Variants in PPP1R42 observed in about 807,000 individuals in gnomAD.
PPP1R42 encodes the protein leucine rich repeat containing 67.
A neutral mutation model predicts 31.0 loss-of-function variants in PPP1R42; 34 were observed. That is an observed-to-expected ratio of 1.10 (90% CI 0.83 to 1.46). The LOEUF (loss-of-function observed/expected upper bound fraction) is 1.46. PPP1R42 is among the 40% of genes most tolerant of loss of function. PPP1R42 has a pLI of 0.00. For synonymous variants in PPP1R42, 103 were observed against 109.8 expected (o/e 0.94, Z 0.39); for missense variants, 268 against 303.0 (o/e 0.88, Z 0.86).
At chr8:66,992,923 C>T (rs1035846797) in intron 5 of PPP1R42, among the ~76,000 whole-genome samples, 7 of 152,150 alleles carry the variant, frequency 4.6e-5, no homozygotes, top group African/African-American at 1.7e-4. Flanking sequence ...TTTCAGTGAC[C>T]ACTTAATACG....
In PPP1R42 at chr8:67,014,495, T is replaced by C; in HGVS notation, c.227A>G (p.His76Arg). ...AATACAATTGTTTTGTAGGTACAAG[T>C]GGGTCAGATTTGTGGCATAATTCAG... ...TNLNYATNLT[H>R]LYLQNNCISC... Residue 76 changes from histidine to arginine, a missense_variant, in exon 3 of 8, where the codon CAC (histidine) becomes CGC (arginine). Physicochemically the swap from His to Arg is conservative, Grantham distance 29. Transcript: ENST00000685739. The C allele has an allele frequency of 6.3e-7, 1 of 1,594,202 alleles. No homozygotes were observed. Among genetic ancestry groups the C allele is most frequent in the Non-Finnish European group, 8.6e-7 (1 of 1,166,708 alleles).
At chr8:66,987,145 T>C (rs975614482) in intron 6 of PPP1R42, among the ~76,000 whole-genome samples, 7 of 152,000 alleles carry the variant, frequency 4.6e-5, no homozygotes, top group African/African-American at 1.7e-4. Context: ...TTTAAAAATA[T>C]ACTATAAAGA....
At chr8:67,018,912 C>G (rs1235166277) in intron 1 of PPP1R42, among the ~76,000 whole-genome samples, 1 of 149,730 alleles carries the variant, frequency 6.7e-6, no homozygotes, top group Non-Finnish European at 1.5e-5. Flanking sequence ...TCACCGCAAC[C>G]TCCGCCTCCC....
intron 1 of PPP1R42, among the ~76,000 whole-genome samples, chr8:67,020,218 T>C (rs1407486045): frequency 6.6e-6 from 1 of 152,138 alleles, no homozygotes; most frequent in African/African-American, 2.4e-5. Flanking sequence ...GTTGTTTTTT[T>C]TGATATGAAG....
rs1344767873 is a variant in PPP1R42, at chr8:66,982,197, A to G, written c.671-17T>C. 7.7e-7 allele frequency: 1 copy of G among 1,295,232 alleles called. No homozygotes were observed. The allele number at this position is 1,295,232 out of a possible 1,614,324, so 80.2% of individuals were successfully genotyped here. ...CAAGAAATTCTGGAGAAAAATACAT[A>G]CATTTAAAAAATACAATATATACAT... On this transcript the variant is annotated splice_polypyrimidine_tract_variant and intron_variant, in intron 6 of 7. Coordinates refer to ENST00000685739, the MANE Select transcript of PPP1R42 (RefSeq NM_001364910.1).
At chr8:66,972,824 A>C (rs544464502) in intron 7 of PPP1R42, among the ~76,000 whole-genome samples, 1 of 152,306 alleles carries the variant, frequency 6.6e-6, no homozygotes, top group South Asian at 2.1e-4. Context: ...ACATATTTCC[A>C]CATCTGTTAT....
At chr8:66,985,811 G>T in intron 6 of PPP1R42, 1 of 1,242,848 alleles carries the variant, frequency 8.0e-7, no homozygotes, top group South Asian at 1.3e-5. Flanking sequence ...TTGATGTGGA[G>T]CTTAGTCAGC....
At chr8:66,977,404 C>T (rs947668945) in intron 7 of PPP1R42, among the ~76,000 whole-genome samples, 2 of 150,610 alleles carry the variant, frequency 1.3e-5, no homozygotes, top group Non-Finnish European at 3.0e-5. Flanking sequence ...GTGGCGTGAT[C>T]ATAGCTCACT....
chr8:66,975,940 G>T (rs1814658580), intron 7 of PPP1R42, among the ~76,000 whole-genome samples: 2 of 152,122 alleles, frequency 1.3e-5, no homozygotes. Flanking sequence ...ATCCTATAGT[G>T]CAGGGGTCCC....
chr8:66,983,390 T>C (rs1327695283), intron 6 of PPP1R42, among the ~76,000 whole-genome samples: 1 of 152,134 alleles, frequency 6.6e-6, no homozygotes, highest in Admixed American at 6.5e-5. Flanking sequence ...AGGATATTTA[T>C]ATTGCCTATA....
rs181146481 is a variant in PPP1R42, at chr8:66,975,505, G to T, written c.802+6544C>A. On this transcript the variant is annotated intron_variant, in intron 7 of 7. Transcript: ENST00000685739. ...TACTAAAAATACAAAAAGTAGTCAG[G>T]TGTGGTGGCACACGCCTGTAATCCC... Among the ~76,000 whole-genome samples, 293 of 152,182 alleles carry T rather than the reference G, an allele frequency of 1.9e-3. 3 individuals carry two copies. Among genetic ancestry groups the T allele is most frequent in the African/African-American group, 6.2e-3 (258 of 41,504 alleles).
chr8:67,027,295 TC>T (rs916010372), intron 1 of PPP1R42, among the ~76,000 whole-genome samples: 2 of 152,218 alleles, frequency 1.3e-5, no homozygotes, highest in African/African-American at 2.4e-5. Context: ...AGAAATGGAT[TC>T]CGTCTATAGA....
intron 7 of PPP1R42, among the ~76,000 whole-genome samples, chr8:66,975,118 C>G (rs978783865): frequency 5.9e-5 from 9 of 152,166 alleles, no homozygotes; most frequent in African/African-American, 1.9e-4. Context: ...AGTTCATGAA[C>G]ATGAGGTGTC....
chr8:67,007,038 C>T (rs555440231), intron 5 of PPP1R42, among the ~76,000 whole-genome samples: 23 of 151,668 alleles, frequency 1.5e-4, no homozygotes, highest in Admixed American at 2.6e-4. Flanking sequence ...CCACTGCGCC[C>T]GGCCTCTTTT....
intron 5 of PPP1R42, among the ~76,000 whole-genome samples, chr8:67,009,911 G>A (rs1428592005): frequency 2.6e-5 from 4 of 152,168 alleles, no homozygotes; most frequent in African/African-American, 9.7e-5. Flanking sequence ...GTTTTTGGGA[G>A]AAAGAAGCTC....
intron 4 of PPP1R42, among the ~76,000 whole-genome samples, chr8:67,011,507 C>T (rs1347816401): frequency 4.6e-5 from 7 of 152,092 alleles, no homozygotes; most frequent in Admixed American, 6.6e-5. Flanking sequence ...AACAAAACTC[C>T]GTCTCAAAAA....
chr8:67,022,261 G>A (rs934196198), intron 1 of PPP1R42, among the ~76,000 whole-genome samples: 1 of 152,164 alleles, frequency 6.6e-6, no homozygotes, highest in Non-Finnish European at 1.5e-5. Context: ...TACTTATTGA[G>A]AGACTGAGAG....
chr8:67,001,468 G>A (rs897422480), intron 5 of PPP1R42, among the ~76,000 whole-genome samples: 8 of 149,952 alleles, frequency 5.3e-5, no homozygotes, highest in African/African-American at 1.9e-4. Context: ...GATATTGGCT[G>A]AGTTTAAGAC....
chr8:66,964,291 C>A lies in PPP1R42; in HGVS notation c.*30G>T. The A allele has an allele frequency of 7.8e-7, 1 of 1,279,018 alleles. No individual in the cohort carries two copies. The highest frequency in any genetic ancestry group is 1.0e-6 in the Non-Finnish European group (1 of 984,184). 79.2% of individuals were successfully genotyped at this position (1,279,018 alleles called of 1,614,324 possible). On this transcript the variant is annotated 3_prime_UTR_variant, in exon 8 of 8. Transcript: ENST00000685739. ...TGGAAGAGGTGAGGTTCATGCACATCATTTTTTGTCAGCAAGCTTTCAGAT... is the reference window on the plus strand; with the variant it reads ...TGGAAGAGGTGAGGTTCATGCACATAATTTTTTGTCAGCAAGCTTTCAGAT...
Sources: gnomAD v4.1 joint callset for allele counts (sites outside exome capture counted in the v4.1 genomes callset) on GRCh38, gnomAD v4.1.1 for gene constraint, MANE v1.5 for transcripts, NCBI Gene and HGNC (gene_info 2026-07-23, HGNC 2026-07-21) for gene names.